Variants in PCDHGA5 observed in about 807,000 individuals in gnomAD.
The protein encoded by PCDHGA5 is protocadherin gamma subfamily A, 5, also known as protocadherin gamma-A5.
PCDHGA5 carries 36 observed loss-of-function variants against 56.7 expected under a neutral mutation model. The ratio of observed to expected loss-of-function variants is 0.64; its 90% confidence interval spans 0.49 to 0.84. The LOEUF (loss-of-function observed/expected upper bound fraction) is 0.84. Among genes scored for constraint, PCDHGA5 ranks in the 40% least tolerant of loss-of-function variants. The probability of loss-of-function intolerance (pLI) is 0.00; values close to 1 mark genes in which losing one functional copy is unlikely to be tolerated. For missense variants in PCDHGA5, 1,305 were observed against 1,201.5 expected, an observed-to-expected ratio of 1.09 and a Z score of -1.27; for synonymous variants, 563 against 520.2, an observed-to-expected ratio of 1.08 and a Z score of -1.12.
chr5:141,387,642 C>T lies in PCDHGA5; in HGVS notation c.2421+20891C>T, dbSNP rs554256672. 8.0e-6 allele frequency: 5 copies of T among 622,368 alleles called. No homozygotes were observed. In the South Asian group the frequency reaches 1.1e-4, roughly 14 times the overall value. The allele number at this position is 622,368 out of a possible 1,614,324, so 38.6% of individuals were successfully genotyped here. On this transcript the variant is annotated intron_variant, in intron 1 of 3. Transcript: ENST00000518069. Reference sequence around the variant, plus strand: ...TGCTGACTCTGGGCGCCGCTGTTGGCCAAAGTGGAGAGCTTGGCGCTCCAG... The same window carrying T: ...TGCTGACTCTGGGCGCCGCTGTTGGTCAAAGTGGAGAGCTTGGCGCTCCAG...
chr5:141,371,864 C>T (rs751844207), intron 1 of PCDHGA5: 1 of 1,613,570 alleles, frequency 6.2e-7, no homozygotes, highest in South Asian at 1.1e-5. Context: ...TCTCCTACTA[C>T]ATCGTGGCCA....
At chr5:141,488,578 G>A (rs1286219713) in intron 1 of PCDHGA5, among the ~76,000 whole-genome samples, 2 of 152,178 alleles carry the variant, frequency 1.3e-5, no homozygotes, top group Non-Finnish European at 2.9e-5. Flanking sequence ...AGCATTGCTG[G>A]AGAGTCAGGG....
chr5:141,383,075 TG>T, intron 1 of PCDHGA5: 2 of 1,613,878 alleles, frequency 1.2e-6, no homozygotes, highest in Non-Finnish European at 1.7e-6. Flanking sequence ...CCCCGGGAGC[TG>T]GCGGAGCGCG....
At position 141,490,456 on chromosome 5, in the gene PCDHGA5, C is replaced by G. The variant is rs370141879; in HGVS notation, c.2422-4351C>G. On this transcript the variant is annotated intron_variant, in intron 1 of 3. Transcript: ENST00000518069. The surrounding 1 kb of genome is among the most constrained non-coding windows in gnomAD (Gnocchi z 5.4). The stretch of plus-strand genomic sequence containing the variant: ...TAAGCCTTCTGAGAACCACTACTCG[C>G]TGCTAACCAGCCAGCCTTTGGACCG... 3.7e-6 allele frequency: 6 copies of G among 1,614,114 alleles called. No individual in the cohort carries two copies. Among genetic ancestry groups the G allele is most frequent in the Non-Finnish European group, 5.1e-6 (6 of 1,180,058 alleles).
chr5:141,364,180 C>G lies in PCDHGA5; in HGVS notation c.-151C>G, dbSNP rs1476637020. 2.2e-6 allele frequency: 2 copies of G among 899,976 alleles called. No individual in the cohort carries two copies. The highest frequency in any genetic ancestry group is 3.4e-5 in the African/African-American group (2 of 58,546). 55.7% of individuals were successfully genotyped at this position (899,976 alleles called of 1,614,324 possible). On this transcript the variant is annotated 5_prime_UTR_variant, in exon 1 of 4. Transcript: ENST00000518069. ...CAGAGGCGACCCGACTCTGCTCCCT[C>G]CATACTAAACACACAGACCAGACAA...
intron 1 of PCDHGA5, chr5:141,394,500 C>A (rs1450931785): frequency 3.7e-6 from 6 of 1,614,124 alleles, no homozygotes; most frequent in Non-Finnish European, 5.1e-6. Context: ...GCCCGAGATC[C>A]TGTACCCCGC....
intron 1 of PCDHGA5, among the ~76,000 whole-genome samples, chr5:141,430,329 T>G (rs1466381565): frequency 1.3e-5 from 2 of 151,776 alleles, no homozygotes; most frequent in Non-Finnish European, 2.9e-5. Flanking sequence ...AATCATTGTT[T>G]ATAGAAACTT....
intron 1 of PCDHGA5, chr5:141,390,525 G>C: frequency 1.8e-6 from 1 of 552,024 alleles, no homozygotes; most frequent in Non-Finnish European, 3.2e-6. Context: ...CAATGAGGGT[G>C]TGGTTTTAAC....
intron 1 of PCDHGA5, among the ~76,000 whole-genome samples, chr5:141,380,353 G>T (rs954913370): frequency 6.6e-6 from 1 of 151,944 alleles, no homozygotes; most frequent in Non-Finnish European, 1.5e-5. Flanking sequence ...TTTGTTGTTT[G>T]TTTTTTAGAA....
chr5:141,364,415 G>A lies in PCDHGA5; in HGVS notation c.85G>A (p.Gly29Arg), dbSNP rs368621667. The A allele has an allele frequency of 6.2e-7, 1 of 1,613,082 alleles. No individual in the cohort carries two copies. The highest frequency in any genetic ancestry group is 2.2e-5 in the East Asian group (1 of 44,868). Residue 29 changes from glycine (G) to arginine (R), a missense_variant, in exon 1 of 4, where the codon GGG becomes AGG. Coordinates refer to ENST00000518069, the MANE Select transcript of PCDHGA5 (RefSeq NM_018918.3). ...LLGTLCEPGS[G>R]QIRYSMPEEL... Reference sequence around the variant, plus strand: ...GGGGACGCTGTGCGAGCCAGGATCCGGGCAGATCCGCTACTCGATGCCGGA... The same window carrying A: ...GGGGACGCTGTGCGAGCCAGGATCCAGGCAGATCCGCTACTCGATGCCGGA...
At chr5:141,418,357 G>T (rs375883635) in intron 1 of PCDHGA5, 2 of 1,613,864 alleles carry the variant, frequency 1.2e-6, no homozygotes, top group African/African-American at 2.7e-5. Flanking sequence ...GTATGAATTC[G>T]CTGAGCAAAT....
intron 1 of PCDHGA5, chr5:141,408,916 C>T (rs1379557230): frequency 6.8e-6 from 11 of 1,613,024 alleles, no homozygotes; most frequent in African/African-American, 2.7e-5. Flanking sequence ...CCAATGATAA[C>T]CCCCCGGTTT....
chr5:141,447,135 GT>G (rs905717632), intron 1 of PCDHGA5, among the ~76,000 whole-genome samples: 1 of 151,698 alleles, frequency 6.6e-6, no homozygotes, highest in South Asian at 2.1e-4. Flanking sequence ...TTGTTTGTTT[GT>G]TTTTTGTTTT....
chr5:141,440,181 G>A (rs1419736461), intron 1 of PCDHGA5: 7 of 152,312 alleles, frequency 4.6e-5, no homozygotes, highest in Non-Finnish European at 8.8e-5. Context: ...CTTTGAAATA[G>A]TTGAAGGCCA....
At chr5:141,422,963 C>T (rs372620011) in intron 1 of PCDHGA5, 43 of 1,614,120 alleles carry the variant, frequency 2.7e-5, no homozygotes, top group Middle Eastern at 1.6e-4. Context: ...GTGGAGCTGG[C>T]GCCCCGCTCT....
rs775331499 is a variant in PCDHGA5 at position 141,422,779 on chromosome 5, C to T, written c.2421+56028C>T. The T allele has an allele frequency of 8.7e-6, 14 of 1,614,070 alleles. No homozygotes were observed. In the East Asian group the frequency reaches 2.9e-4, roughly 33 times the overall value. ...CTCCAACACTGGTGTTCTCTATGCC[C>T]TACAATCCTTCGACTATGAGCAGTT... On this transcript the variant is annotated intron_variant, in intron 1 of 3. Transcript: ENST00000518069.
At position 141,432,552 on chromosome 5, in the gene PCDHGA5, C is replaced by G. The variant is rs1181931321; in HGVS notation, c.2422-62255C>G. ...AAGGTGGTGGCGGTGGACAGAGACT[C>G]CGGCCAGAACGCCTGGCTGTCCTAC... On this transcript the variant is annotated intron_variant, in intron 1 of 3. Coordinates refer to ENST00000518069, the MANE Select transcript of PCDHGA5 (RefSeq NM_018918.3). The surrounding 1 kb of genome is among the most constrained non-coding windows in gnomAD (Gnocchi z 6.0). The G allele has an allele frequency of 6.2e-7, 1 of 1,613,970 alleles. No homozygotes were observed. The highest frequency in any genetic ancestry group is 1.1e-5 in the South Asian group (1 of 91,064).
intron 1 of PCDHGA5, chr5:141,383,834 C>T: frequency 2.5e-6 from 4 of 1,613,906 alleles, no homozygotes; most frequent in Non-Finnish European, 3.4e-6. Context: ...TATGAAGAAA[C>T]TGCCTTCTAT....
At position 141,395,259 on chromosome 5, in the gene PCDHGA5, C is replaced by T. The variant is rs1042867033; in HGVS notation, c.2421+28508C>T. ...TCAGGTGAGTTTAGTTCTTTGCTTG[C>T]TTTTAATTTCCAGATGAATTTTATT... On this transcript the variant is annotated intron_variant, in intron 1 of 3. Transcript: ENST00000518069. The T allele has an allele frequency of 3.2e-6, 5 of 1,551,850 alleles. No homozygotes were observed. In the Admixed American group the frequency reaches 1.0e-4, roughly 32 times the overall value.
Sources: allele counts gnomAD v4.1 joint callset (sites outside exome capture counted in the v4.1 genomes callset), GRCh38; gene constraint gnomAD v4.1.1; non-coding constraint Gnocchi (gnomAD v3.1); transcripts MANE v1.5; gene names NCBI Gene and HGNC (gene_info 2026-07-23, HGNC 2026-07-21).